RPH3AL: variants seen among roughly 807,000 people sequenced by gnomAD.
RPH3AL encodes the protein rab effector Noc2.
RPH3AL carries 38 observed loss-of-function variants against 43.1 expected under a neutral mutation model. The ratio of observed to expected loss-of-function variants is 0.88; its 90% CI spans 0.68 to 1.15. RPH3AL has a LOEUF of 1.15. Among genes scored for constraint, RPH3AL ranks in the 50% most tolerant of loss-of-function variants. The pLI, the probability that RPH3AL is intolerant of heterozygous loss-of-function variation, is 0.00. For missense variants in RPH3AL, 462 were observed against 423.2 expected (o/e 1.09, Z -0.81); for synonymous variants, 189 against 176.3 (o/e 1.07, Z -0.57).
chr17:301,796 A>G (rs138310960), intron 5 of RPH3AL, among the ~76,000 whole-genome samples: 1 of 152,054 alleles, frequency 6.6e-6, no homozygotes, highest in Non-Finnish European at 1.5e-5. Flanking sequence ...CAAAGTTCTG[A>G]CCCGAGCCGT....
chr17:294,474 T>A (rs1396221231), intron 5 of RPH3AL, among the ~76,000 whole-genome samples: 1 of 152,100 alleles, frequency 6.6e-6, no homozygotes, highest in East Asian at 1.9e-4. Context: ...AAGGCCAACC[T>A]GAGTGGACAC....
At chr17:314,654 C>A (rs2043828385) in intron 5 of RPH3AL, among the ~76,000 whole-genome samples, 1 of 151,034 alleles carries the variant, frequency 6.6e-6, no homozygotes, top group African/African-American at 2.5e-5. Flanking sequence ...CCTGTGACTC[C>A]ACCTCCATTG....
At chr17:306,920 C>T (rs930833391) in intron 5 of RPH3AL, among the ~76,000 whole-genome samples, 1 of 152,194 alleles carries the variant, frequency 6.6e-6, no homozygotes, top group African/African-American at 2.4e-5. Context: ...GATGCCCCCA[C>T]ACTTCCTGGG....
At chr17:308,679 G>A (rs904093693) in intron 5 of RPH3AL, among the ~76,000 whole-genome samples, 1 of 152,204 alleles carries the variant, frequency 6.6e-6, no homozygotes, top group Non-Finnish European at 1.5e-5. Flanking sequence ...ATTATGCAAA[G>A]GGCACCTGGT....
intron 5 of RPH3AL, among the ~76,000 whole-genome samples, chr17:318,017 G>T (rs1437761399): frequency 1.4e-5 from 2 of 147,752 alleles, no homozygotes; most frequent in Non-Finnish European, 3.0e-5. Context: ...TTGTTTTTTA[G>T]TTCCCTTGCC....
In RPH3AL at chr17:307,183, C is replaced by T. The variant is rs1439407243; in HGVS notation, c.351+12237G>A. ...GCAGGCCCATCCCACGGCAGATCCTCCCCGCGGCAGGTCCTCCCCACGGCA... is the reference window on the plus strand; with the variant it reads ...GCAGGCCCATCCCACGGCAGATCCTTCCCGCGGCAGGTCCTCCCCACGGCA... On this transcript the variant is annotated intron_variant, in intron 5 of 9. Transcript: ENST00000331302. Among the ~76,000 whole-genome samples, 7 of 145,040 alleles carry T rather than the reference C, an allele frequency of 4.8e-5. No homozygotes were observed. The South Asian group carries it at 1.4e-3, about 28-fold the overall frequency.
chr17:315,309 G>T (rs1474683510), intron 5 of RPH3AL, among the ~76,000 whole-genome samples: 2 of 21,228 alleles, frequency 9.4e-5, no homozygotes, highest in African/African-American at 2.0e-4. Flanking sequence ...GTGACCTGTA[G>T]TCCCTGTGAC....
intron 5 of RPH3AL, among the ~76,000 whole-genome samples, chr17:314,083 G>A (rs2043741411): frequency 6.6e-6 from 1 of 152,186 alleles, no homozygotes; most frequent in Admixed American, 6.5e-5. Context: ...CCTTCCCCAG[G>A]ACAGCCACTG....
chr17:293,894 T>C (rs1209873002), intron 5 of RPH3AL, among the ~76,000 whole-genome samples: 1 of 151,916 alleles, frequency 6.6e-6, no homozygotes, highest in Non-Finnish European at 1.5e-5. Flanking sequence ...CCGGGCGCGG[T>C]GGTACTCACC....
intron 5 of RPH3AL, among the ~76,000 whole-genome samples, chr17:317,799 G>T (rs915219804): frequency 2.6e-5 from 4 of 152,114 alleles, no homozygotes; most frequent in African/African-American, 9.7e-5. Flanking sequence ...GCTTTTGAAT[G>T]CCCCTGAAAA....
At chr17:310,201 T>A (rs1452425265) in intron 5 of RPH3AL, among the ~76,000 whole-genome samples, 1 of 151,920 alleles carries the variant, frequency 6.6e-6, no homozygotes, top group East Asian at 1.9e-4. Context: ...GGAGCACCAG[T>A]CCTCTCTAAT....
At chr17:243,016 T>G (rs1246052784) in intron 7 of RPH3AL, among the ~76,000 whole-genome samples, 6 of 129,464 alleles carry the variant, frequency 4.6e-5, no homozygotes, top group African/African-American at 1.7e-4. Context: ...CTTCCTCTAT[T>G]GAATACCTTC....
intron 7 of RPH3AL, among the ~76,000 whole-genome samples, chr17:222,684 T>G (rs1165494558): frequency 6.6e-6 from 1 of 152,218 alleles, no homozygotes; most frequent in Non-Finnish European, 1.5e-5. Flanking sequence ...TCTGCAAGAT[T>G]GGCCCACACA....
chr17:292,738 C>A lies in RPH3AL; in HGVS notation c.352-10884G>T, dbSNP rs561163867. 4.6e-5 allele frequency among the ~76,000 whole-genome samples: 7 copies of A among 152,192 alleles called. No homozygotes were observed. In the East Asian group the frequency reaches 5.8e-4, roughly 13 times the overall value. On this transcript the variant is annotated intron_variant, in intron 5 of 9. Coordinates refer to ENST00000331302, the MANE Select transcript of RPH3AL (RefSeq NM_006987.4). ...CCCTGGGCCCTCTCCTCTTCCAGAA[C>A]GACAGATGAGGTCAAGCTTCAAGTG...
chr17:214,036 T>C, intron 9 of RPH3AL, 113 bp from the exon 10 acceptor site: 1 of 760,124 alleles, frequency 1.3e-6, no homozygotes, highest in Middle Eastern at 3.7e-4. Flanking sequence ...GAAGGCAGGC[T>C]TCTGCTGACA....
chr17:299,135 G>C (rs1293555957), intron 5 of RPH3AL, among the ~76,000 whole-genome samples: 3 of 152,162 alleles, frequency 2.0e-5, no homozygotes, highest in Non-Finnish European at 4.4e-5. Context: ...GGATGCACTG[G>C]AAAGCGAATG....
intron 6 of RPH3AL, among the ~76,000 whole-genome samples, chr17:272,953 GGGCTACGTCAGGGTGAGACCCCAGCA>G (rs1567604271): frequency 0.011 from 578 of 52,992 alleles, 29 homozygotes; most frequent in African/African-American, 0.029. Flanking sequence ...ACCCCAGCAA[GGGCTACGTCAGGGTGAGACCCCAGCA>G]AGGGCTACGT....
chr17:294,733 A>AT, intron 5 of RPH3AL, among the ~76,000 whole-genome samples: 1 of 53,126 alleles, frequency 1.9e-5, no homozygotes, highest in Non-Finnish European at 4.3e-5. Context: ...AGGACAGAAG[A>AT]GCTGCAGAAA....
At chr17:269,456 C>T (rs1002350199) in intron 6 of RPH3AL, among the ~76,000 whole-genome samples, 1 of 152,214 alleles carries the variant, frequency 6.6e-6, no homozygotes, top group East Asian at 1.9e-4. Flanking sequence ...TTTCCAAGGG[C>T]CTCGAACAGT....
Sources: allele counts gnomAD v4.1 joint callset (sites outside exome capture counted in the v4.1 genomes callset), GRCh38; gene constraint gnomAD v4.1.1; transcripts MANE v1.5; gene names NCBI Gene and HGNC (gene_info 2026-07-23, HGNC 2026-07-21).